Variants in SPDYE18 observed in about 807,000 individuals in gnomAD.
The protein encoded by SPDYE18 is speedy/RINGO cell cycle regulator family member E18, also known as speedy protein E18.
SPDYE18 carries 6 observed loss-of-function variants against 44.9 expected under a neutral mutation model. The observed-to-expected ratio is 0.13, with a 90% CI of 0.07 to 0.26. The LOEUF is 0.26. SPDYE18 is among the 10% of genes least tolerant of loss of function. The pLI is 1.00. For synonymous variants in SPDYE18, 35 were observed against 177.1 expected (o/e 0.20, Z 6.37); for missense variants, 121 against 463.2 (o/e 0.26, Z 6.78).
intron 3 of SPDYE18, among the ~76,000 whole-genome samples, chr7:77,058,799 C>T (rs1232538286): frequency 4.0e-3 from 582 of 146,978 alleles, no homozygotes; most frequent in East Asian, 0.038. Context: ...ACCCGGCCTT[C>T]GTTTTTCTTT....
chr7:77,052,369 T>G (rs1277700023), intron 8 of SPDYE18, among the ~76,000 whole-genome samples: 1 of 152,168 alleles, frequency 6.6e-6, no homozygotes, highest in Non-Finnish European at 1.5e-5. Context: ...AACCAAAGCT[T>G]CACTGAACCC....
chr7:77,054,355 G>A (rs1789877904), intron 6 of SPDYE18, among the ~76,000 whole-genome samples: 1 of 145,764 alleles, frequency 6.9e-6, no homozygotes, highest in Non-Finnish European at 1.5e-5. Context: ...TGTAGAGATT[G>A]TAGAATTGAC....
intron 6 of SPDYE18, among the ~76,000 whole-genome samples, chr7:77,053,436 C>A (rs1186199510): frequency 6.6e-6 from 1 of 152,288 alleles, no homozygotes; most frequent in African/African-American, 2.4e-5. Flanking sequence ...AGAGTGGTGG[C>A]TTATGCCTGG....
intron 2 of SPDYE18, among the ~76,000 whole-genome samples, chr7:77,059,654 T>C (rs1223794456): frequency 6.6e-6 from 1 of 151,334 alleles, no homozygotes; most frequent in East Asian, 1.9e-4. Context: ...TCCTTTTTTG[T>C]TTTGTTTTGT....
In SPDYE18 at chr7:77,060,522, C is replaced by G; in HGVS notation, c.-10G>C. ...TCTTCGTTCTGTCCATGGCCTTCTT[C>G]TGGACACTGCTAGGATCCAGAAGAG... On this transcript the variant is annotated 5_prime_UTR_variant, in exon 2 of 9. Coordinates refer to ENST00000510091, the MANE Select transcript of SPDYE18 (RefSeq NM_001394953.1). 4 of 1,535,066 alleles carry G rather than the reference C, an allele frequency of 2.6e-6. No homozygotes were observed. Among genetic ancestry groups the G allele is most frequent in the Non-Finnish European group, 3.5e-6 (4 of 1,146,764 alleles).
chr7:77,054,205 A>G (rs1789874071), intron 6 of SPDYE18, among the ~76,000 whole-genome samples: 1 of 150,690 alleles, frequency 6.6e-6, no homozygotes, highest in Non-Finnish European at 1.5e-5. Context: ...AACTGACTTC[A>G]AGGAATGGGT....
chr7:77,060,996 T>TAAGAGTGAGATTATCATGTAC (rs1231072953), intron 1 of SPDYE18, among the ~76,000 whole-genome samples, 63 bp from the exon 2 acceptor site: 1,379 of 108,534 alleles, frequency 0.013, 25 homozygotes, highest in African/African-American at 0.031. Context: ...TGAAACCTTA[T>TAAGAGTGAGATTATCATGTAC]AAGAGTGAGA....
rs1481113162 is a variant in SPDYE18, at chr7:77,051,311, T to C, written c.*614A>G. Reference sequence around the variant, plus strand: ...TATCTTTATGTATATATAACAACTATAACTCTCATCAAAAAACTACAGGAA... The same window carrying C: ...TATCTTTATGTATATATAACAACTACAACTCTCATCAAAAAACTACAGGAA... On this transcript the variant is annotated 3_prime_UTR_variant, in exon 9 of 9. Transcript: ENST00000510091. Among the ~76,000 whole-genome samples, 1 of 152,258 alleles carries C rather than the reference T, an allele frequency of 6.6e-6. No individual in the cohort carries two copies. The highest frequency in any genetic ancestry group is 6.5e-5 in the Admixed American group (1 of 15,282).
chr7:77,050,438 A>C lies in SPDYE18; in HGVS notation c.*1487T>G, dbSNP rs3960448. On this transcript the variant is annotated 3_prime_UTR_variant, in exon 9 of 9. Transcript: ENST00000510091. The stretch of plus-strand genomic sequence containing the variant: ...AAAAGTTCATTTTTATTATGTTTCC[A>C]CAAGAGACGCACTCTATTGTTCTCT... 0.053 allele frequency among the ~76,000 whole-genome samples: 4,482 copies of C among 83,896 alleles called. No individual in the cohort carries two copies. The highest frequency in any genetic ancestry group is 0.19 in the Middle Eastern group (27 of 140). 55.0% of individuals were successfully genotyped at this position (83,896 alleles called of 152,430 possible).
At chr7:77,062,336 C>G (rs967493683) in intron 1 of SPDYE18, among the ~76,000 whole-genome samples, 160 bp downstream of exon 1, 40 of 148,544 alleles carry the variant, frequency 2.7e-4, no homozygotes, top group Non-Finnish European at 4.8e-4. Context: ...GTGGGTCCTC[C>G]TACAACAAAA....
intron 2 of SPDYE18, among the ~76,000 whole-genome samples, chr7:77,059,898 T>C (rs71250730): frequency 6.7e-5 from 10 of 149,590 alleles, no homozygotes; most frequent in African/African-American, 9.9e-5. Flanking sequence ...GATCTGCCTG[T>C]CTTGGCCTCC....
chr7:77,060,065 A>T (rs1212417172), intron 2 of SPDYE18, among the ~76,000 whole-genome samples: 1 of 133,606 alleles, frequency 7.5e-6, no homozygotes, highest in Non-Finnish European at 1.6e-5. Flanking sequence ...GCGTGATCTC[A>T]GCTCACTGCA....
intron 6 of SPDYE18, among the ~76,000 whole-genome samples, chr7:77,054,926 C>G (rs1195237594): frequency 6.6e-6 from 1 of 152,192 alleles, no homozygotes; most frequent in African/African-American, 2.4e-5. Flanking sequence ...CACCACCACG[C>G]CCAGCTAATT....
rs1479801623 is a variant in SPDYE18, at chr7:77,051,796, T to C, written c.*129A>G. Among the ~76,000 whole-genome samples the C allele has an allele frequency of 2.6e-5, 4 of 151,372 alleles. No homozygotes were observed. Among genetic ancestry groups the C allele is most frequent in the Non-Finnish European group, 5.9e-5 (4 of 67,896 alleles). On this transcript the variant is annotated 3_prime_UTR_variant, in exon 9 of 9. Transcript: ENST00000510091. ...TCTTCTAGATGATCTGCACAAATGG[T>C]TCCTCTCCTCTTTCCTGTTGTCTGC...
rs933547449 is a variant in SPDYE18 at position 77,062,353 on chromosome 7, GCTCT to G, written c.-422+139_-422+142del. ...GGGTCCTCCTACAACAAAATCGTTT[GCTCT>G]CTCTCTCCTAGTTAACAGGCTTTCA... is the stretch of plus-strand genomic sequence containing the variant. On this transcript the variant is annotated intron_variant, in intron 1 of 8. Transcript: ENST00000510091. Among the ~76,000 whole-genome samples, 8 of 148,922 alleles carry G rather than the reference GCTCT, an allele frequency of 5.4e-5. No homozygotes were observed. In the South Asian group the frequency reaches 1.1e-3, roughly 21 times the overall value.
chr7:77,061,036 T>TGC lies in SPDYE18; in HGVS notation c.-421-104_-421-103insGC, dbSNP rs1413964161. Among the ~76,000 whole-genome samples the TGC allele has an allele frequency of 9.6e-3, 1,027 of 107,260 alleles. 41 individuals are homozygous for TGC. The highest frequency in any genetic ancestry group is 0.014 in the Non-Finnish European group (735 of 53,664). 70.4% of individuals were successfully genotyped at this position (107,260 alleles called of 152,430 possible). ...CATGTACAAGAGTGAGATTATCACG[T>TGC]ACAAGAGTGAGATTATCACGTACAA... is the stretch of plus-strand genomic sequence containing the variant. On this transcript the variant is annotated intron_variant, in intron 1 of 8. Coordinates refer to ENST00000510091, the MANE Select transcript of SPDYE18 (RefSeq NM_001394953.1).
chr7:77,057,197 T>G (rs1408490922), intron 4 of SPDYE18, among the ~76,000 whole-genome samples: 5 of 152,282 alleles, frequency 3.3e-5, no homozygotes, highest in Non-Finnish European at 7.3e-5. Context: ...TTTAAGCGAT[T>G]CTCCTGTCTC....
At chr7:77,058,555 G>A (rs1488562676) in intron 3 of SPDYE18, among the ~76,000 whole-genome samples, 2 of 134,060 alleles carry the variant, frequency 1.5e-5, no homozygotes, top group African/African-American at 5.4e-5. Flanking sequence ...CACCCAGAAT[G>A]GAATGCAGTG....
chr7:77,061,084 A>AGTGAGATTATCATGTACAAGAGT, intron 1 of SPDYE18, among the ~76,000 whole-genome samples, 151 bp from the exon 2 acceptor site: 1 of 100,536 alleles, frequency 9.9e-6, no homozygotes, highest in African/African-American at 4.6e-5. Flanking sequence ...CATGTACAAG[A>AGTGAGATTATCATGTACAAGAGT]GATCCCAGGA....
Sources: gnomAD v4.1 joint callset for allele counts (sites outside exome capture counted in the v4.1 genomes callset) on GRCh38, gnomAD v4.1.1 for gene constraint, MANE v1.5 for transcripts, NCBI Gene and HGNC (gene_info 2026-07-23, HGNC 2026-07-21) for gene names.